RBMS3: variants seen among roughly 807,000 people sequenced by gnomAD.
The protein encoded by RBMS3 is RNA binding motif single stranded interacting protein 3.
In RBMS3, 27 loss-of-function variants were observed where a neutral mutation model predicts 66.8. That is an observed-to-expected ratio of 0.40 (90% confidence interval 0.30 to 0.56). RBMS3 has a LOEUF of 0.56. RBMS3 is among the 20% of genes least tolerant of loss of function. RBMS3 has a pLI of 0.40. For missense variants in RBMS3, 513 were observed against 549.5 expected, an observed-to-expected ratio of 0.93 and a Z score of 0.66; for synonymous variants, 188 against 183.0, an observed-to-expected ratio of 1.03 and a Z score of -0.22.
intron 12 of RBMS3, among the ~76,000 whole-genome samples, chr3:29,963,828 C>CACAA (rs1553708926): frequency 8.2e-6 from 1 of 121,658 alleles, no homozygotes. Flanking sequence ...CTGCCCCCTC[C>CACAA]AAAAAAAAAA....
chr3:29,450,443 A>G (rs6807017), intron 2 of RBMS3, among the ~76,000 whole-genome samples: 1 of 151,984 alleles, frequency 6.6e-6, no homozygotes, highest in Admixed American at 6.5e-5. Flanking sequence ...TCCCTCCTTT[A>G]TGCTAATGAA....
At chr3:29,609,749 C>T (rs1199450145) in intron 4 of RBMS3, among the ~76,000 whole-genome samples, 1 of 151,946 alleles carries the variant, frequency 6.6e-6, no homozygotes, top group African/African-American at 2.4e-5. Flanking sequence ...AGAAGGAATT[C>T]TTCCCTTTTA....
chr3:29,390,802 A>T (rs4680819), intron 1 of RBMS3: 137,693 of 154,136 alleles, frequency 0.89, 61,725 homozygotes, highest in East Asian at 1. Context: ...AGTTGCCTTA[A>T]TGTGAGGAGG....
chr3:29,329,509 A>T (rs1181224359), intron 1 of RBMS3, among the ~76,000 whole-genome samples: 3 of 152,142 alleles, frequency 2.0e-5, no homozygotes, highest in African/African-American at 7.2e-5. Flanking sequence ...AAACCAAAAG[A>T]AATAATCCAT....
At chr3:29,683,648 A>G (rs1469247694) in intron 4 of RBMS3, among the ~76,000 whole-genome samples, 1 of 152,178 alleles carries the variant, frequency 6.6e-6, no homozygotes, top group African/African-American at 2.4e-5. Flanking sequence ...TTATTTAATC[A>G]GGATTGCTAA....
At chr3:29,658,150 C>T (rs4352346) in intron 4 of RBMS3, among the ~76,000 whole-genome samples, 29,496 of 151,962 alleles carry the variant, frequency 0.19, 3,179 homozygotes, top group East Asian at 0.34. Context: ...AAAATAGGAC[C>T]CGTGATGTCT....
Position 29,364,352 on chromosome 3 carries a change from A to C in RBMS3, c.76-70391A>C, listed in dbSNP as rs950461811. Reference sequence around the variant, plus strand: ...AAAGGGGAGAAGAACAAACATCAACAGAGGACCTAATTGTGGCAGACCGTG... The same window carrying C: ...AAAGGGGAGAAGAACAAACATCAACCGAGGACCTAATTGTGGCAGACCGTG... On this transcript the variant is annotated intron_variant, in intron 1 of 14. Transcript: ENST00000383767. 2.0e-5 allele frequency among the ~76,000 whole-genome samples: 3 copies of C among 152,324 alleles called. No individual in the cohort carries two copies. In the East Asian group the frequency reaches 5.8e-4, roughly 29 times the overall value.
At chr3:29,768,983 A>T (rs2056061616) in intron 6 of RBMS3, among the ~76,000 whole-genome samples, 1 of 151,928 alleles carries the variant, frequency 6.6e-6, no homozygotes, top group African/African-American at 2.4e-5. Context: ...CTACTTTTTG[A>T]TTTAAAACCT....
intron 6 of RBMS3, among the ~76,000 whole-genome samples, chr3:29,798,817 A>T (rs971917050): frequency 6.6e-6 from 1 of 152,090 alleles, no homozygotes; most frequent in Non-Finnish European, 1.5e-5. Flanking sequence ...TTGCAACAGT[A>T]GAATTTTTGA....
chr3:29,309,905 A>T lies in RBMS3; in HGVS notation c.75+28149A>T, dbSNP rs564364026. Among the ~76,000 whole-genome samples, 41 of 151,780 alleles carry T rather than the reference A, an allele frequency of 2.7e-4. No homozygotes were observed. In the South Asian group the frequency reaches 4.4e-3, roughly 16 times the overall value. ...CATTAGTAGTGCAGCCAACTTTTTT[A>T]AAAAAGTTTGAGATTTAAAATTAGA... On this transcript the variant is annotated intron_variant, in intron 1 of 14. Coordinates refer to ENST00000383767, the MANE Select transcript of RBMS3 (RefSeq NM_001003793.3).
intron 1 of RBMS3, among the ~76,000 whole-genome samples, chr3:29,375,082 C>A (rs555017107): frequency 6.6e-6 from 1 of 152,258 alleles, no homozygotes; most frequent in African/African-American, 2.4e-5. Context: ...TGATCTTTGA[C>A]AAACCTGACA....
chr3:29,702,480 C>G (rs925918266), intron 4 of RBMS3, among the ~76,000 whole-genome samples: 1 of 152,172 alleles, frequency 6.6e-6, no homozygotes, highest in Non-Finnish European at 1.5e-5. Flanking sequence ...TGGCAACCCG[C>G]CGGGGTCCTC....
chr3:29,515,388 A>T (rs1228729752), intron 3 of RBMS3, among the ~76,000 whole-genome samples: 1 of 152,204 alleles, frequency 6.6e-6, no homozygotes, highest in Non-Finnish European at 1.5e-5. Flanking sequence ...AGGGTCTTGC[A>T]TCAAGGCTAG....
At chr3:29,810,828 G>A (rs9866531) in intron 6 of RBMS3, among the ~76,000 whole-genome samples, 9,625 of 151,976 alleles carry the variant, frequency 0.063, 983 homozygotes, top group African/African-American at 0.22. Flanking sequence ...GTTACATTTT[G>A]TTTTTACAAC....
At chr3:29,501,413 A>G (rs1362135543) in intron 3 of RBMS3, among the ~76,000 whole-genome samples, 3 of 152,162 alleles carry the variant, frequency 2.0e-5, no homozygotes, top group Non-Finnish European at 4.4e-5. Flanking sequence ...TATAAAATAT[A>G]TCTTTCCAGA....
In RBMS3 at chr3:29,457,196, C is replaced by T. The variant is rs1012507658; in HGVS notation, c.248+22281C>T. Among the ~76,000 whole-genome samples, 5 of 152,182 alleles carry T rather than the reference C, an allele frequency of 3.3e-5. No homozygotes were observed. The South Asian group carries it at 6.2e-4, about 19-fold the overall frequency. On this transcript the variant is annotated intron_variant, in intron 2 of 14. Transcript: ENST00000383767. The stretch of plus-strand genomic sequence containing the variant: ...CACCTCCATAGTCAACCAGTTGCCA[C>T]GTCCTAACATGTCTATCTTCTAGAT...
chr3:29,528,765 C>A (rs2045235546), intron 3 of RBMS3, among the ~76,000 whole-genome samples: 1 of 152,020 alleles, frequency 6.6e-6, no homozygotes, highest in Non-Finnish European at 1.5e-5. Flanking sequence ...TGGAGTTTTA[C>A]TCCTGTTGCC....
intron 1 of RBMS3, among the ~76,000 whole-genome samples, chr3:29,380,686 C>G (rs1026431443): frequency 5.3e-5 from 8 of 152,138 alleles, no homozygotes; most frequent in African/African-American, 1.9e-4. Context: ...AGGCTCAAAT[C>G]CCATAGTCAA....
intron 4 of RBMS3, among the ~76,000 whole-genome samples, chr3:29,650,646 G>A: frequency 6.6e-6 from 1 of 152,098 alleles, no homozygotes; most frequent in Admixed American, 6.6e-5. Flanking sequence ...CAGCCAAAGT[G>A]TCACTTATAT....
Sources: allele counts gnomAD v4.1 joint callset (sites outside exome capture counted in the v4.1 genomes callset), GRCh38; gene constraint gnomAD v4.1.1; transcripts MANE v1.5; gene names NCBI Gene and HGNC (gene_info 2026-07-23, HGNC 2026-07-21).